The following CLSTN1 variants were observed in gnomAD, a reference collection of about 807,000 sequenced individuals.
The protein encoded by CLSTN1 is calsyntenin 1, also known as calsyntenin-1.
CLSTN1 carries 28 observed loss-of-function variants against 108.3 expected under a neutral mutation model. That is an observed-to-expected ratio of 0.26 (90% CI 0.19 to 0.35). The LOEUF (loss-of-function observed/expected upper bound fraction) is 0.35, where lower values mean the gene tolerates loss of function less well. Ranked by LOEUF, CLSTN1 falls within the 10% of genes least tolerant of loss-of-function variation. The pLI is 1.00. For synonymous variants in CLSTN1, 524 were observed against 534.9 expected (o/e 0.98, Z 0.28); for missense variants, 1,157 against 1,302.6 (o/e 0.89, Z 1.72).
At chr1:9,763,907 A>G (rs990171983) in intron 2 of CLSTN1, among the ~76,000 whole-genome samples, 1 of 152,154 alleles carries the variant, frequency 6.6e-6, no homozygotes, top group Non-Finnish European at 1.5e-5. Context: ...GGGCTATCTC[A>G]GCCCATTCAG....
chr1:9,760,642 C>T (rs1473236884), intron 2 of CLSTN1, among the ~76,000 whole-genome samples: 1 of 151,474 alleles, frequency 6.6e-6, no homozygotes, highest in African/African-American at 2.4e-5. Context: ...ACCTCAGCCT[C>T]CCGAGTAGCT....
intron 1 of CLSTN1, 78 bp from the exon 2 acceptor site, chr1:9,773,472 C>T (rs913884809): frequency 1.4e-6 from 2 of 1,398,926 alleles, no homozygotes; most frequent in Non-Finnish European, 9.6e-7. Flanking sequence ...AAGACACACA[C>T]CTGCTATTAA....
Position 9,731,815 on chromosome 1 carries a change from G to C in CLSTN1, c.2509C>G (p.Arg837Gly). ...AQPQFVHPEHRSFVDLSGHNL... is the reference protein window; with the variant it reads ...AQPQFVHPEHGSFVDLSGHNL... ...TGGCCTGACAGGTCAACAAAGGAGC[G>C]GTGTTCCGGGTGCACGAACTGTGGC... Residue 837 changes from arginine to glycine, a missense_variant, in exon 17 of 19, where the codon CGC becomes GGC. Coordinates refer to ENST00000377298, the MANE Select transcript of CLSTN1 (RefSeq NM_001009566.3). 20 of 1,614,188 alleles carry C rather than the reference G, an allele frequency of 1.2e-5. No individual in the cohort carries two copies. The highest frequency in any genetic ancestry group is 1.7e-5 in the Non-Finnish European group (20 of 1,180,036).
chr1:9,810,728 T>C (rs142483703), intron 1 of CLSTN1, among the ~76,000 whole-genome samples: 5 of 152,124 alleles, frequency 3.3e-5, no homozygotes, highest in Middle Eastern at 3.4e-3. Flanking sequence ...TGAGCCGAGA[T>C]TGCGCCACTA....
At chr1:9,792,948 T>C (rs1653832483) in intron 1 of CLSTN1, among the ~76,000 whole-genome samples, 1 of 151,322 alleles carries the variant, frequency 6.6e-6, no homozygotes, top group Non-Finnish European at 1.5e-5. Context: ...TCTCTCTCAT[T>C]CCAACATTTA....
At chr1:9,810,854 G>A (rs1301911428) in intron 1 of CLSTN1, among the ~76,000 whole-genome samples, 1 of 152,100 alleles carries the variant, frequency 6.6e-6, no homozygotes, top group Non-Finnish European at 1.5e-5. Flanking sequence ...TACCTAGAAT[G>A]CCTCATTCCA....
Position 9,823,784 on chromosome 1 carries a change from G to C in CLSTN1, c.-51C>G. 3.4e-6 allele frequency: 3 copies of C among 882,384 alleles called. No individual in the cohort carries two copies. The highest frequency in any genetic ancestry group is 4.1e-6 in the Non-Finnish European group (3 of 727,944). 54.7% of individuals were successfully genotyped at this position (882,384 alleles called of 1,614,324 possible). On this transcript the variant is annotated 5_prime_UTR_variant, in exon 1 of 19. Transcript: ENST00000377298. The surrounding 1 kb of genome is among the most constrained non-coding windows in gnomAD (Gnocchi z 6.3). ...GGAGGCGCGCGGGACGCCGAGCGGA[G>C]CTCTCGGAGCTCTCGGGGCTCTAGG...
intron 9 of CLSTN1, among the ~76,000 whole-genome samples, chr1:9,742,823 G>A (rs935608694): frequency 2.0e-5 from 3 of 151,834 alleles, no homozygotes; most frequent in African/African-American, 7.3e-5. Context: ...CAGGAGGATC[G>A]CTTGAACCCG....
intron 11 of CLSTN1, among the ~76,000 whole-genome samples, chr1:9,736,918 T>C (rs1369132905): frequency 6.6e-6 from 1 of 151,930 alleles, no homozygotes; most frequent in African/African-American, 2.4e-5. Flanking sequence ...ACTAAAAATA[T>C]AAATATTAGC....
chr1:9,774,205 A>G lies in CLSTN1; in HGVS notation c.92-811T>C, dbSNP rs199721760. ...GTAAAGCAAAGATGCAAAACACAAT[A>G]AAGTATTAAAATAAAACTCTGCAGA... On this transcript the variant is annotated intron_variant, in intron 1 of 18. Transcript: ENST00000377298. Among the ~76,000 whole-genome samples, 5 of 152,292 alleles carry G rather than the reference A, an allele frequency of 3.3e-5. No individual in the cohort carries two copies. In the East Asian group the frequency reaches 5.8e-4, roughly 18 times the overall value.
chr1:9,756,942 A>C (rs946283215), intron 2 of CLSTN1, among the ~76,000 whole-genome samples: 2 of 148,964 alleles, frequency 1.3e-5, no homozygotes, highest in East Asian at 2.0e-4. Context: ...CCACGCCCGG[A>C]TAATTTTTTG....
chr1:9,765,552 C>A (rs1045240242), intron 2 of CLSTN1, among the ~76,000 whole-genome samples: 1 of 151,274 alleles, frequency 6.6e-6, no homozygotes, highest in Non-Finnish European at 1.5e-5. Flanking sequence ...ATCACTTGAA[C>A]CCGGGAAACG....
chr1:9,811,224 T>A (rs986333181), intron 1 of CLSTN1, among the ~76,000 whole-genome samples: 44 of 152,294 alleles, frequency 2.9e-4, no homozygotes, highest in Admixed American at 1.6e-3. Context: ...TATGAAGCTA[T>A]CCCAGTGGTA....
chr1:9,800,773 A>G (rs187840780), intron 1 of CLSTN1, among the ~76,000 whole-genome samples: 4 of 151,018 alleles, frequency 2.6e-5, no homozygotes, highest in African/African-American at 9.7e-5. Context: ...ATAAGAAAAA[A>G]AAATACAAAA....
At chr1:9,758,061 T>G (rs1651903845) in intron 2 of CLSTN1, among the ~76,000 whole-genome samples, 1 of 152,074 alleles carries the variant, frequency 6.6e-6, no homozygotes, top group Non-Finnish European at 1.5e-5. Context: ...TAACAAGATC[T>G]CGGCTCACTG....
chr1:9,785,090 T>C lies in CLSTN1; in HGVS notation c.92-11696A>G, dbSNP rs972937139. 3.3e-5 allele frequency among the ~76,000 whole-genome samples: 5 copies of C among 152,004 alleles called. No homozygotes were observed. The East Asian group carries it at 9.7e-4, about 29-fold the overall frequency. On this transcript the variant is annotated intron_variant, in intron 1 of 18. Transcript: ENST00000377298. Reference sequence around the variant, plus strand: ...GCCACCACTCCCAGCTAATTTTTGTTATTTTTAGAGGAGAGGGGTTTTCAC... The same window carrying C: ...GCCACCACTCCCAGCTAATTTTTGTCATTTTTAGAGGAGAGGGGTTTTCAC...
At chr1:9,772,140 C>CTTTTT (rs57522417) in intron 2 of CLSTN1, among the ~76,000 whole-genome samples, 1 of 30,918 alleles carries the variant, frequency 3.2e-5, no homozygotes, top group African/African-American at 1.5e-4. Context: ...CCACACCCGG[C>CTTTTT]TTTTTTTTTT....
intron 2 of CLSTN1, among the ~76,000 whole-genome samples, chr1:9,765,740 C>T (rs1652296272): frequency 1.3e-5 from 2 of 151,588 alleles, no homozygotes; most frequent in South Asian, 2.1e-4. Context: ...ATTAGCCGGG[C>T]GTGGTGGCGG....
At chr1:9,799,979 A>C (rs770972767) in intron 1 of CLSTN1, among the ~76,000 whole-genome samples, 34 of 152,286 alleles carry the variant, frequency 2.2e-4, no homozygotes, top group Non-Finnish European at 3.7e-4. Flanking sequence ...CATAAATGTA[A>C]CACGTGGATC....
Sources: allele counts gnomAD v4.1 joint callset (sites outside exome capture counted in the v4.1 genomes callset), GRCh38; gene constraint gnomAD v4.1.1; non-coding constraint Gnocchi (gnomAD v3.1); transcripts MANE v1.5; gene names NCBI Gene and HGNC (gene_info 2026-07-23, HGNC 2026-07-21).